Variants in SLC36A4 observed in about 807,000 individuals in gnomAD.
The protein encoded by SLC36A4 is solute carrier family 36 member 4.
SLC36A4 carries 49 observed loss-of-function variants against 50.5 expected under a neutral mutation model. The observed-to-expected ratio is 0.97, with a 90% confidence interval of 0.77 to 1.23. The LOEUF is 1.23. Ranked by LOEUF, SLC36A4 falls within the 50% of genes most tolerant of loss-of-function variation. The pLI, the probability that SLC36A4 is intolerant of heterozygous loss-of-function variation, is 0.00. For synonymous variants in SLC36A4, 207 were observed against 206.5 expected, an observed-to-expected ratio of 1.00 and a Z score of -0.02; for missense variants, 611 against 608.4, an observed-to-expected ratio of 1.00 and a Z score of -0.05.
intron 7 of SLC36A4, 86 bp downstream of exon 7, chr11:93,167,858 C>T: frequency 1.3e-6 from 1 of 774,666 alleles, no homozygotes; most frequent in Non-Finnish European, 2.2e-6. Context: ...GGGGTCTTTG[C>T]ATATCATTAC....
intron 1 of SLC36A4, among the ~76,000 whole-genome samples, chr11:93,190,504 A>G (rs1218950512): frequency 6.6e-6 from 1 of 152,190 alleles, no homozygotes; most frequent in Admixed American, 6.5e-5. Context: ...ACGTACAATT[A>G]CTTGCCCACA....
intron 9 of SLC36A4, among the ~76,000 whole-genome samples, chr11:93,156,002 A>G (rs1565216809): frequency 2.0e-5 from 3 of 152,160 alleles, no homozygotes; most frequent in Admixed American, 6.6e-5. Context: ...TTAATTCCGT[A>G]TCTTTGCTAT....
At chr11:93,158,002 T>C (rs1860444032) in intron 9 of SLC36A4, among the ~76,000 whole-genome samples, 1 of 152,140 alleles carries the variant, frequency 6.6e-6, no homozygotes, top group Admixed American at 6.6e-5. Flanking sequence ...TATAACATAT[T>C]TATCATACAA....
chr11:93,184,294 A>G lies in SLC36A4; in HGVS notation c.270+136T>C, dbSNP rs1010034847. The G allele has an allele frequency of 1.9e-5, 13 of 680,304 alleles. No homozygotes were observed. In the African/African-American group the frequency reaches 2.0e-4, roughly 11 times the overall value. The allele number at this position is 680,304 out of a possible 1,614,324, so 42.1% of individuals were successfully genotyped here. On this transcript the variant is annotated intron_variant, in intron 3 of 10. Coordinates refer to ENST00000326402, the MANE Select transcript of SLC36A4 (RefSeq NM_152313.4). ...AAATATCATTATCACAGTTGACACA[A>G]TTTTATCAAGACAACATCTAAATGA...
intron 3 of SLC36A4, among the ~76,000 whole-genome samples, chr11:93,184,220 C>T (rs1230042137): frequency 1.3e-5 from 2 of 151,874 alleles, no homozygotes; most frequent in Non-Finnish European, 2.9e-5. Context: ...CTAAATATTA[C>T]AAATAAGTAA....
chr11:93,171,461 C>T (rs1240801315), intron 6 of SLC36A4: 9 of 152,030 alleles, frequency 5.9e-5, no homozygotes, highest in Admixed American at 5.9e-4. Flanking sequence ...CAACCTAATT[C>T]CATATGACTT....
intron 1 of SLC36A4, chr11:93,197,093 TA>T (rs1862461166): frequency 6.6e-6 from 1 of 152,256 alleles, no homozygotes; most frequent in African/African-American, 2.4e-5. Context: ...CATTTAGATT[TA>T]ATTTTTTAAT....
Position 93,165,960 on chromosome 11 carries a change from G to C in SLC36A4, c.825C>G (p.Leu275=). The stretch of plus-strand genomic sequence containing the variant: ...AAGCAAATACAGCAGTACCAAAAAA[G>C]AGTGGGTATTTCTTCCAACCAGCCA... ...PIVAGWKKYP[L]FFGTAVFAFE... Residue 275 remains leucine (L), a synonymous_variant, in exon 8 of 11, where the codon CTC becomes CTG. Transcript: ENST00000326402. The C allele has an allele frequency of 2.5e-6, 4 of 1,611,180 alleles. No homozygotes were observed. The highest frequency in any genetic ancestry group is 3.4e-6 in the Non-Finnish European group (4 of 1,178,490).
chr11:93,168,172 C>T lies in SLC36A4; in HGVS notation c.541-1G>A. ...TACTCTCCAGGAATCCTTCATGAAC[C>T]TACATAGGATTACCAGGAGAATAAA... is the stretch of plus-strand genomic sequence containing the variant. On this transcript the variant is annotated splice_acceptor_variant, in intron 6 of 10. Transcript: ENST00000326402. LOFTEE classifies it high-confidence loss of function. The T allele has an allele frequency of 6.3e-7, 1 of 1,581,408 alleles. No homozygotes were observed. The highest frequency in any genetic ancestry group is 8.6e-7 in the Non-Finnish European group (1 of 1,159,658).
At chr11:93,156,269 C>T (rs1356842496) in intron 9 of SLC36A4, among the ~76,000 whole-genome samples, 1 of 152,054 alleles carries the variant, frequency 6.6e-6, no homozygotes, top group Non-Finnish European at 1.5e-5. Flanking sequence ...TTAGTAATAG[C>T]CATTCTGACA....
chr11:93,196,547 T>C (rs1316637023), intron 1 of SLC36A4, among the ~76,000 whole-genome samples: 1 of 152,174 alleles, frequency 6.6e-6, no homozygotes, highest in Non-Finnish European at 1.5e-5. Flanking sequence ...TTTGTGTTTT[T>C]AGTAGAGACG....
At chr11:93,186,219 C>A (rs1439724561) in intron 1 of SLC36A4, among the ~76,000 whole-genome samples, 4 of 152,176 alleles carry the variant, frequency 2.6e-5, no homozygotes, top group African/African-American at 9.6e-5. Flanking sequence ...ATGAAAATTA[C>A]AAAGTGATTC....
At chr11:93,176,544 C>T (rs10830998) in intron 6 of SLC36A4, among the ~76,000 whole-genome samples, 35,522 of 151,320 alleles carry the variant, frequency 0.23, 5,165 homozygotes, top group East Asian at 0.32. Context: ...TTCCTAGTCT[C>T]GATGGTCTTT....
intron 6 of SLC36A4, among the ~76,000 whole-genome samples, chr11:93,177,381 C>G (rs564604581): frequency 6.6e-6 from 1 of 152,220 alleles, no homozygotes; most frequent in African/African-American, 2.4e-5. Flanking sequence ...AGCTTCTCTG[C>G]GAAGGGTTCG....
Position 93,182,831 on chromosome 11 carries a change from G to C in SLC36A4, c.334C>G (p.Arg112Gly). 6.2e-7 allele frequency: 1 copy of C among 1,611,710 alleles called. No homozygotes were observed. The highest frequency in any genetic ancestry group is 8.5e-7 in the Non-Finnish European group (1 of 1,178,756). ...CTCAGACATAGAAAGTGACTGCAAC[G>C]TACCAATATGTGCATACAGTGAACA... ...ISVHCMHILVRCSHFLCLRFK... is the reference protein window; with the variant it reads ...ISVHCMHILVGCSHFLCLRFK... The change falls in exon 4 of 11, where the codon CGT (arginine) becomes GGT (glycine). Residue 112 changes from arginine (R) to glycine (G), a missense_variant. Transcript: ENST00000326402.
At chr11:93,156,497 G>A (rs1860370461) in intron 9 of SLC36A4, among the ~76,000 whole-genome samples, 1 of 150,050 alleles carries the variant, frequency 6.7e-6, no homozygotes, top group Non-Finnish European at 1.5e-5. Flanking sequence ...TTAGCTCACT[G>A]CAACCTCCAC....
chr11:93,166,481 T>C (rs926750507), intron 7 of SLC36A4: 27 of 895,354 alleles, frequency 3.0e-5, no homozygotes, highest in Non-Finnish European at 3.6e-5. Flanking sequence ...TTCTACCTTA[T>C]AGCTCTGCTG....
chr11:93,197,487 T>C (rs965416804), intron 1 of SLC36A4: 14 of 488,740 alleles, frequency 2.9e-5, no homozygotes, highest in African/African-American at 2.7e-4. Context: ...TCTTGCGTCT[T>C]TGACGTGTAC....
In SLC36A4 at chr11:93,185,901, C is replaced by A. The variant is rs574810255; in HGVS notation, c.56-87G>T. On this transcript the variant is annotated intron_variant, in intron 1 of 10. Coordinates refer to ENST00000326402, the MANE Select transcript of SLC36A4 (RefSeq NM_152313.4). The stretch of plus-strand genomic sequence containing the variant: ...AAATGAATTTCAAAATATTAGGAAA[C>A]ACCATTTGTACTCATCTTTACTATT... 4 of 1,221,278 alleles carry A rather than the reference C, an allele frequency of 3.3e-6. No homozygotes were observed. In the South Asian group the frequency reaches 6.5e-5, roughly 20 times the overall value. The allele number at this position is 1,221,278 out of a possible 1,614,324, so 75.7% of individuals were successfully genotyped here.
Sources: allele counts gnomAD v4.1 joint callset (sites outside exome capture counted in the v4.1 genomes callset), GRCh38; gene constraint gnomAD v4.1.1; transcripts MANE v1.5; gene names NCBI Gene and HGNC (gene_info 2026-07-23, HGNC 2026-07-21).